GLI2: variants seen among roughly 807,000 people sequenced by gnomAD.
GLI2 encodes the protein GLI family zinc finger 2, also known as transcription activator GLI2.
Under a neutral mutation model 78.9 loss-of-function variants are expected in GLI2, and 22 were observed. The observed-to-expected ratio is 0.28, with a 90% CI of 0.20 to 0.40. GLI2 has a LOEUF of 0.40. GLI2 is among the 10% of genes least tolerant of loss of function. GLI2 has a pLI of 1.00. For missense variants in GLI2, 2,097 were observed against 2,213.2 expected (o/e 0.95, Z 1.05); for synonymous variants, 974 against 963.7 (o/e 1.01, Z -0.20).
Position 120,968,720 on chromosome 2 carries a change from G to A in GLI2, c.650G>A (p.Arg217His), listed in dbSNP as rs145779352. 6.3e-5 allele frequency: 102 copies of A among 1,611,140 alleles called. No individual in the cohort carries two copies. Among genetic ancestry groups the A allele is most frequent in the African/African-American group, 1.1e-4 (8 of 74,626 alleles). Reference sequence around the variant, plus strand: ...TGTGTTGACTATCCCACAGTGTCCCGTTTCTCCAGCCCGCGGGTGACGCCC... The same window carrying A: ...TGTGTTGACTATCCCACAGTGTCCCATTTCTCCAGCCCGCGGGTGACGCCC... ...HDYLNPVDVS[R>H]FSSPRVTPRL... Residue 217 changes from arginine (R) to histidine (H), a missense_variant, in exon 6 of 14, where the codon CGT becomes CAT. Physicochemically the swap from Arg to His is conservative, Grantham distance 29. Around this residue, in one of 5 missense-constraint regions of GLI2, gnomAD observed 578 missense variants for 612.0 expected, o/e 0.94. Transcript: ENST00000361492.
chr2:120,963,132 CT>C lies in GLI2; in HGVS notation c.644-5581del, dbSNP rs530210891. 1.4e-3 allele frequency among the ~76,000 whole-genome samples: 210 copies of C among 152,346 alleles called. 2 individuals carry two copies. The highest frequency in any genetic ancestry group is 4.7e-3 in the African/African-American group (197 of 41,580). On this transcript the variant is annotated intron_variant, in intron 5 of 13. Transcript: ENST00000361492. The stretch of plus-strand genomic sequence containing the variant: ...TTGCTGAGTGGCCCAATCATCTTTC[CT>C]AGACTTGCTGCCCTTCACTCCATTA...
chr2:120,977,409 C>G (rs1157572624), intron 9 of GLI2, among the ~76,000 whole-genome samples: 1 of 151,738 alleles, frequency 6.6e-6, no homozygotes, highest in Non-Finnish European at 1.5e-5. Flanking sequence ...TCTTTTTTTT[C>G]CATTCTAAGT....
chr2:120,817,291 C>T (rs1312285381), intron 2 of GLI2, among the ~76,000 whole-genome samples: 1 of 152,226 alleles, frequency 6.6e-6, no homozygotes, highest in East Asian at 1.9e-4. Context: ...GCCACCCCCA[C>T]TGCCTCCGTG....
chr2:120,852,287 T>C (rs919443140), intron 2 of GLI2, among the ~76,000 whole-genome samples: 2 of 152,258 alleles, frequency 1.3e-5, no homozygotes, highest in South Asian at 2.1e-4. Context: ...CAGAGACGGA[T>C]GGGCAGAGAG....
intron 5 of GLI2, among the ~76,000 whole-genome samples, chr2:120,955,771 G>A (rs1681230823): frequency 6.6e-6 from 1 of 152,162 alleles, no homozygotes; most frequent in East Asian, 1.9e-4. Flanking sequence ...GGCGGGGGGA[G>A]CGAGCACTGG....
At chr2:120,741,963 C>T (rs1040929714) in intron 1 of GLI2, among the ~76,000 whole-genome samples, 1 of 152,236 alleles carries the variant, frequency 6.6e-6, no homozygotes, top group African/African-American at 2.4e-5. Context: ...CCGGGAAGGG[C>T]GCGGGTTCCG....
chr2:120,877,053 C>A (rs1454645165), intron 2 of GLI2, among the ~76,000 whole-genome samples: 1 of 152,238 alleles, frequency 6.6e-6, no homozygotes, highest in African/African-American at 2.4e-5. Flanking sequence ...AGGAGCGGGG[C>A]CTCGGCCTTG....
At chr2:120,923,068 GCA>G (rs370240979) in intron 2 of GLI2, among the ~76,000 whole-genome samples, 17 of 151,152 alleles carry the variant, frequency 1.1e-4, no homozygotes, top group African/African-American at 3.9e-4. Flanking sequence ...CACACATATG[GCA>G]CACACACACA....
chr2:120,786,822 C>T (rs58121187), intron 1 of GLI2, among the ~76,000 whole-genome samples: 4,959 of 152,330 alleles, frequency 0.033, 237 homozygotes, highest in African/African-American at 0.11. Context: ...CCTTCTCCAA[C>T]CCAGCCCTCC....
intron 1 of GLI2, among the ~76,000 whole-genome samples, chr2:120,775,747 T>A (rs895662444): frequency 2.6e-5 from 4 of 152,078 alleles, no homozygotes; most frequent in African/African-American, 9.7e-5. Context: ...GTTTGGAACA[T>A]GAGGGTGGGC....
At chr2:120,781,113 G>A (rs888174085) in intron 1 of GLI2, among the ~76,000 whole-genome samples, 36 of 152,192 alleles carry the variant, frequency 2.4e-4, no homozygotes, top group Non-Finnish European at 8.8e-5. Context: ...AGCTGTCCCT[G>A]CTTCTGGGCC....
At chr2:120,868,025 C>CT (rs1235708573) in intron 2 of GLI2, among the ~76,000 whole-genome samples, 2 of 152,196 alleles carry the variant, frequency 1.3e-5, no homozygotes, top group Non-Finnish European at 2.9e-5. Flanking sequence ...TCCTGCCCCC[C>CT]CAGCCTCCCG....
At chr2:120,770,558 A>G (rs1683492683) in intron 1 of GLI2, among the ~76,000 whole-genome samples, 1 of 152,166 alleles carries the variant, frequency 6.6e-6, no homozygotes, top group Admixed American at 6.5e-5. Flanking sequence ...CCATTGCTGG[A>G]CGACAGCCAC....
At chr2:120,817,095 G>A (rs184995343) in intron 2 of GLI2, among the ~76,000 whole-genome samples, 1 of 152,346 alleles carries the variant, frequency 6.6e-6, no homozygotes, top group Non-Finnish European at 1.5e-5. Flanking sequence ...GAGACAATGA[G>A]CGAGGAAGAC....
intron 2 of GLI2, among the ~76,000 whole-genome samples, chr2:120,798,352 T>C (rs1157224319): frequency 6.6e-6 from 1 of 152,172 alleles, no homozygotes; most frequent in African/African-American, 2.4e-5. Flanking sequence ...GGGGCAGGGC[T>C]GGCTGAGTTT....
chr2:120,787,204 C>T (rs976550224), intron 1 of GLI2, among the ~76,000 whole-genome samples: 6 of 152,082 alleles, frequency 3.9e-5, no homozygotes, highest in Admixed American at 2.0e-4. Flanking sequence ...GCAGAGGAAC[C>T]GCGTGATCAG....
chr2:120,876,014 G>T (rs1688719076), intron 2 of GLI2, among the ~76,000 whole-genome samples: 1 of 152,116 alleles, frequency 6.6e-6, no homozygotes, highest in Non-Finnish European at 1.5e-5. Context: ...GTTATGGAGG[G>T]GAAAAGTTAA....
At chr2:120,914,579 CCAGA>C (rs1678999082) in intron 2 of GLI2, among the ~76,000 whole-genome samples, 1 of 152,218 alleles carries the variant, frequency 6.6e-6, no homozygotes, top group African/African-American at 2.4e-5. Context: ...ACATGTCTAC[CCAGA>C]CAGACAGGCA....
intron 9 of GLI2, among the ~76,000 whole-genome samples, chr2:120,977,208 A>T (rs1682495354): frequency 6.6e-6 from 1 of 152,208 alleles, no homozygotes; most frequent in Non-Finnish European, 1.5e-5. Context: ...TCCACAGCAG[A>T]ATGTCCAGCA....
Sources: allele counts gnomAD v4.1 joint callset (sites outside exome capture counted in the v4.1 genomes callset), GRCh38; gene constraint gnomAD v4.1.1; regional missense constraint gnomAD v4.1.1; transcripts MANE v1.5; gene names NCBI Gene and HGNC (gene_info 2026-07-23, HGNC 2026-07-21).